Variants in YLPM1 observed in about 807,000 individuals in gnomAD.
The protein encoded by YLPM1 is YLP motif containing 1.
Under a neutral mutation model 230.0 loss-of-function variants are expected in YLPM1, and 99 were observed. The ratio of observed to expected loss-of-function variants is 0.43; its 90% CI spans 0.37 to 0.51. The LOEUF is 0.51. Among genes scored for constraint, YLPM1 ranks in the 20% least tolerant of loss-of-function variants. The pLI, the probability that YLPM1 is intolerant of heterozygous loss-of-function variation, is 0.00. For missense variants in YLPM1, 2,592 were observed against 2,707.7 expected (o/e 0.96, Z 0.95); for synonymous variants, 984 against 942.5 (o/e 1.04, Z -0.81).
intron 18 of YLPM1, chr14:74,827,529 CAT>C: frequency 3.0e-6 from 3 of 985,442 alleles, no homozygotes; most frequent in Non-Finnish European, 3.6e-6. Context: ...TAACTCCTGT[CAT>C]ATATACCCAG....
At chr14:74,802,476 TTTAA>T (rs2091337508) in intron 5 of YLPM1, 76 bp from the exon 6 acceptor site, 3 of 1,477,520 alleles carry the variant, frequency 2.0e-6, no homozygotes, top group East Asian at 4.8e-5. Flanking sequence ...GTCTCCTTTT[TTTAA>T]TTAAATATTA....
intron 1 of YLPM1, among the ~76,000 whole-genome samples, chr14:74,769,684 A>G (rs1043700207): frequency 7.3e-5 from 11 of 151,216 alleles, no homozygotes; most frequent in Non-Finnish European, 1.5e-4. Context: ...CGGCCTCCCA[A>G]AGTGCTGGGA....
intron 4 of YLPM1, among the ~76,000 whole-genome samples, chr14:74,784,054 G>T (rs1255417448): frequency 6.6e-6 from 1 of 152,196 alleles, no homozygotes; most frequent in African/African-American, 2.4e-5. Flanking sequence ...TGCTTATTTG[G>T]CATGTGTATC....
At chr14:74,786,775 GTGTT>G (rs1169228197) in intron 4 of YLPM1, among the ~76,000 whole-genome samples, 3 of 152,298 alleles carry the variant, frequency 2.0e-5, no homozygotes, top group African/African-American at 4.8e-5. Flanking sequence ...TTAGATGTAT[GTGTT>G]TGTTTGTGTG....
intron 1 of YLPM1, among the ~76,000 whole-genome samples, chr14:74,777,294 G>A (rs1192832738): frequency 2.0e-5 from 3 of 151,900 alleles, no homozygotes; most frequent in East Asian, 1.9e-4. Context: ...GGCCAGGTGC[G>A]GTGGCTCACA....
At chr14:74,829,101 A>G in intron 18 of YLPM1, 112 bp from the exon 19 acceptor site, 6 of 1,314,076 alleles carry the variant, frequency 4.6e-6, no homozygotes, top group Non-Finnish European at 6.3e-6. Context: ...TGCTGCACTC[A>G]AAAATGTGGA....
chr14:74,808,912 C>T (rs1382396177), intron 6 of YLPM1, among the ~76,000 whole-genome samples: 1 of 151,598 alleles, frequency 6.6e-6, no homozygotes, highest in Non-Finnish European at 1.5e-5. Flanking sequence ...GTTTTTCTTT[C>T]CTATATCCTT....
chr14:74,779,053 G>C (rs6574194), intron 2 of YLPM1, among the ~76,000 whole-genome samples: 72,650 of 151,880 alleles, frequency 0.48, 17,765 homozygotes, highest in Non-Finnish European at 0.54. Flanking sequence ...TGTTGGCCAG[G>C]CTGGTTTCGA....
intron 19 of YLPM1, among the ~76,000 whole-genome samples, chr14:74,830,845 A>C (rs911636726): frequency 1.4e-4 from 22 of 152,222 alleles, no homozygotes; most frequent in African/African-American, 5.3e-4. Flanking sequence ...GGAGGGCACC[A>C]AGACATTCAC....
rs1268228344 is a variant in YLPM1, at chr14:74,809,758, CCA to C, written c.4902_4903del (p.Pro1635SerfsTer6). On this transcript the variant is annotated frameshift_variant, in exon 7 of 21. Transcript: ENST00000325680. LOFTEE classifies it high-confidence loss of function. ...GGGTATGCCACCAATGTCCAAGCCA[CCA>C]CCAGTACAACAGACTGTTGATTATG... is the stretch of plus-strand genomic sequence containing the variant. ...PMGMPPMSKPPPVQQTVDYGH... is the reference protein window; with the variant it reads ...PMGMPPMSKPXPVQQTVDYGH... The C allele has an allele frequency of 6.2e-7, 1 of 1,613,928 alleles. No individual in the cohort carries two copies. The highest frequency in any genetic ancestry group is 1.3e-5 in the African/African-American group (1 of 74,938).
chr14:74,820,537 T>C (rs986547511), intron 16 of YLPM1, among the ~76,000 whole-genome samples: 1 of 152,092 alleles, frequency 6.6e-6, no homozygotes, highest in Admixed American at 6.6e-5. Context: ...CGTGAGCCAC[T>C]GTGCCCAGGC....
At position 74,810,328 on chromosome 14, in the gene YLPM1, T is replaced by G. The variant is rs2091421805; in HGVS notation, c.5136T>G (p.Asp1712Glu). Reference sequence around the variant, plus strand: ...CAGATCATCGAGATTTTAAAAGGGATCGTGAGACACATAGAGATCGAGACC... The same window carrying G: ...CAGATCATCGAGATTTTAAAAGGGAGCGTGAGACACATAGAGATCGAGACC... ...VIADHRDFKR[D>E]RETHRDRDRD... is the part of the protein sequence containing the mutation. Residue 1712 changes from aspartate (D) to glutamate (E), a missense_variant, in exon 9 of 21, where the codon GAT becomes GAG. Asp to Glu is a conservative substitution (Grantham distance 45). Transcript: ENST00000325680. 3.1e-6 allele frequency: 5 copies of G among 1,613,706 alleles called. No homozygotes were observed. The highest frequency in any genetic ancestry group is 1.6e-4 in the Middle Eastern group (1 of 6,084).
chr14:74,781,058 C>G (rs1397127686), intron 3 of YLPM1, among the ~76,000 whole-genome samples: 2 of 152,058 alleles, frequency 1.3e-5, no homozygotes, highest in Non-Finnish European at 2.9e-5. Context: ...TTGAAATTAT[C>G]CATATTAAAA....
intron 19 of YLPM1, 91 bp from the exon 20 acceptor site, chr14:74,835,174 T>G (rs1314101861): frequency 6.1e-6 from 9 of 1,467,494 alleles, no homozygotes; most frequent in Non-Finnish European, 8.2e-6. Flanking sequence ...TTCAAATGAG[T>G]CATTCTACCC....
intron 1 of YLPM1, among the ~76,000 whole-genome samples, chr14:74,766,291 T>C (rs1180127534): frequency 6.6e-6 from 1 of 152,204 alleles, no homozygotes; most frequent in African/African-American, 2.4e-5. Context: ...CTGGCAATCC[T>C]TCTACATATT....
At chr14:74,778,304 C>T (rs925037405) in intron 1 of YLPM1, 143 bp from the exon 2 acceptor site, 12 of 681,416 alleles carry the variant, frequency 1.8e-5, no homozygotes, top group Non-Finnish European at 2.7e-5. Flanking sequence ...ATCTTGTTAA[C>T]TTATTTGTCT....
chr14:74,781,108 A>G (rs2091087544), intron 3 of YLPM1, among the ~76,000 whole-genome samples: 1 of 152,112 alleles, frequency 6.6e-6, no homozygotes, highest in Non-Finnish European at 1.5e-5. Flanking sequence ...TATTTGCTTT[A>G]TTGTTTGGTT....
In YLPM1 at chr14:74,836,064, ATCTC is replaced by A. The variant is rs1489975112; in HGVS notation, c.*328_*331del. ...CCTCCACTGTACAATGTCACAGACT[ATCTC>A]TATCATCATTGCTTTGTGGCTGTTT... On this transcript the variant is annotated 3_prime_UTR_variant, in exon 21 of 21. Transcript: ENST00000325680. The A allele has an allele frequency of 3.2e-6, 1 of 309,962 alleles. No homozygotes were observed. The highest frequency in any genetic ancestry group is 6.4e-6 in the Non-Finnish European group (1 of 157,332). The allele number at this position is 309,962 out of a possible 1,614,324, so 19.2% of individuals were successfully genotyped here. A position where few individuals can be genotyped will look rare whatever the true frequency, so the allele number is the denominator to read the frequency against.
Position 74,781,646 on chromosome 14 carries a change from C to T in YLPM1, c.1603C>T (p.Pro535Ser). 1 of 1,613,500 alleles carries T rather than the reference C, an allele frequency of 6.2e-7. No individual in the cohort carries two copies. Among genetic ancestry groups the T allele is most frequent in the Non-Finnish European group, 8.5e-7 (1 of 1,179,790 alleles). The change falls in exon 4 of 21, where the codon CCT (proline) becomes TCT (serine). Residue 535 changes from proline (P) to serine (S), a missense_variant. By Grantham distance (74) the Pro-to-Ser change is moderately conservative (BLOSUM62 -1). This residue lies in a region of YLPM1 where 1,862 missense variants were observed against 1,819.8 expected (regional missense o/e 1.02). Coordinates refer to ENST00000325680, the MANE Select transcript of YLPM1 (RefSeq NM_019589.3). ...GCCTCCACCTCTACCTACAATGCCC[C>T]CTCCAGTGTTGCCTCCTTCATTGCC... ...QMPPPLPTMP[P>S]PVLPPSLPPP...
Sources: gnomAD v4.1 joint callset for allele counts (sites outside exome capture counted in the v4.1 genomes callset) on GRCh38, gnomAD v4.1.1 for gene constraint, gnomAD v4.1.1 regional missense constraint, MANE v1.5 for transcripts, NCBI Gene and HGNC (gene_info 2026-07-23, HGNC 2026-07-21) for gene names.